MNAT1: variants seen among roughly 807,000 people sequenced by gnomAD.
MNAT1 encodes MNAT1 component of CDK activating kinase, also known as CDK-activating kinase assembly factor MAT1.
In MNAT1, 43 loss-of-function variants were observed where a neutral mutation model predicts 42.0. That is an observed-to-expected ratio of 1.02 (90% CI 0.80 to 1.32). The LOEUF (loss-of-function observed/expected upper bound fraction) is 1.32. MNAT1 is among the 40% of genes most tolerant of loss of function. The pLI, the probability that MNAT1 is intolerant of heterozygous loss-of-function variation, is 0.00. For missense variants in MNAT1, 306 were observed against 350.4 expected (o/e 0.87, Z 1.01); for synonymous variants, 118 against 120.0 (o/e 0.98, Z 0.11).
At chr14:60,842,528 C>T (rs1355065327) in intron 6 of MNAT1, among the ~76,000 whole-genome samples, 1 of 152,142 alleles carries the variant, frequency 6.6e-6, no homozygotes, top group African/African-American at 2.4e-5. Context: ...TTTCTGGAAA[C>T]CATTGATTCT....
chr14:60,863,542 A>G (rs2034143481), intron 6 of MNAT1, among the ~76,000 whole-genome samples: 1 of 152,146 alleles, frequency 6.6e-6, no homozygotes, highest in South Asian at 2.1e-4. Flanking sequence ...ACTCTCTCAT[A>G]TGAACTGCTT....
At chr14:60,815,540 C>G (rs1243657729) in intron 5 of MNAT1, among the ~76,000 whole-genome samples, 1 of 152,158 alleles carries the variant, frequency 6.6e-6, no homozygotes, top group Non-Finnish European at 1.5e-5. Flanking sequence ...CTTTAAAGTA[C>G]TGTTTTGCTG....
intron 1 of MNAT1, chr14:60,779,843 TAC>T (rs1185720371): frequency 1.6e-6 from 1 of 615,486 alleles, no homozygotes; most frequent in African/African-American, 1.9e-5. Flanking sequence ...AGAGTGAACT[TAC>T]TCTAAGAAGC....
intron 1 of MNAT1, among the ~76,000 whole-genome samples, chr14:60,772,242 C>T (rs181597714): frequency 1.0e-3 from 156 of 152,180 alleles, no homozygotes; most frequent in African/African-American, 3.2e-3. Flanking sequence ...GACTGGGCAA[C>T]GGAGTGAGAC....
At chr14:60,940,465 T>C (rs1011178054) in intron 7 of MNAT1, among the ~76,000 whole-genome samples, 2 of 152,252 alleles carry the variant, frequency 1.3e-5, no homozygotes, top group African/African-American at 4.8e-5. Flanking sequence ...TTGCCCAGGC[T>C]AGAGTGCAGT....
At chr14:60,812,990 T>C (rs1385705893) in intron 5 of MNAT1, among the ~76,000 whole-genome samples, 1 of 152,152 alleles carries the variant, frequency 6.6e-6, no homozygotes, top group Non-Finnish European at 1.5e-5. Context: ...CCCTTCCTGG[T>C]GGAGAGCAGC....
In MNAT1 at chr14:60,812,002, G is replaced by C. The variant is rs751361028; in HGVS notation, c.436G>C (p.Glu146Gln). The C allele has an allele frequency of 1.3e-6, 2 of 1,587,560 alleles. No homozygotes were observed. Among genetic ancestry groups the C allele is most frequent in the East Asian group, 2.2e-5 (1 of 44,608 alleles). The change falls in exon 5 of 8, where the codon GAA becomes CAA. Residue 146 changes from glutamate (E) to glutamine (Q), a missense_variant. By Grantham distance (29) the Glu-to-Gln change is conservative. Transcript: ENST00000261245. ...TTTGTTTTAGACTCGAGAACAGGAA[G>C]AACTGGAAGAAGCTTTAGAAGTGGA... ...NKLKLTREQE[E>Q]LEEALEVERQ...
At chr14:60,785,136 C>T (rs574342991) in intron 1 of MNAT1, among the ~76,000 whole-genome samples, 2 of 152,318 alleles carry the variant, frequency 1.3e-5, no homozygotes, top group Admixed American at 6.5e-5. Flanking sequence ...TGAGCCACCA[C>T]GCCCAGCCAG....
At position 60,783,039 on chromosome 14, in the gene MNAT1, A is replaced by T. The variant is rs146376062; in HGVS notation, c.90-13178A>T. Among the ~76,000 whole-genome samples the T allele has an allele frequency of 3.6e-3, 543 of 152,342 alleles. 2 individuals are homozygous for T. Among genetic ancestry groups the T allele is most frequent in the African/African-American group, 0.012 (517 of 41,574 alleles). On this transcript the variant is annotated intron_variant, in intron 1 of 7. Coordinates refer to ENST00000261245, the MANE Select transcript of MNAT1 (RefSeq NM_002431.4). ...TTAGACGGATTTACTACTTATAACA[A>T]ATCCCTAGTAGATGTTCGTAGGTGA...
chr14:60,770,391 A>G (rs1258278909), intron 1 of MNAT1, among the ~76,000 whole-genome samples: 2 of 152,198 alleles, frequency 1.3e-5, no homozygotes, highest in Non-Finnish European at 2.9e-5. Flanking sequence ...GAACATGGGT[A>G]TGCAAATATC....
At chr14:60,751,237 A>C (rs1429554671) in intron 1 of MNAT1, among the ~76,000 whole-genome samples, 2 of 152,140 alleles carry the variant, frequency 1.3e-5, no homozygotes, top group African/African-American at 4.8e-5. Context: ...ATTTTCAATT[A>C]CATTTTGATT....
intron 6 of MNAT1, among the ~76,000 whole-genome samples, chr14:60,837,531 C>G (rs754618344): frequency 6.6e-6 from 1 of 152,222 alleles, no homozygotes; most frequent in Admixed American, 6.5e-5. Context: ...TGCTTTGGCT[C>G]ACCCTCCATG....
intron 6 of MNAT1, among the ~76,000 whole-genome samples, chr14:60,866,316 T>C (rs890386919): frequency 1.3e-5 from 2 of 151,074 alleles, no homozygotes; most frequent in African/African-American, 4.9e-5. Context: ...CCTTTTTTTT[T>C]TTTTTTTTTT....
chr14:60,909,399 A>G (rs1203178441), intron 7 of MNAT1, among the ~76,000 whole-genome samples: 1 of 152,166 alleles, frequency 6.6e-6, no homozygotes, highest in Non-Finnish European at 1.5e-5. Flanking sequence ...GTCCTTGCCC[A>G]TGCCTATGTC....
chr14:60,966,133 C>CTT (rs577360114), intron 7 of MNAT1, among the ~76,000 whole-genome samples: 6 of 145,286 alleles, frequency 4.1e-5, no homozygotes, highest in Non-Finnish European at 9.1e-5. Flanking sequence ...GACTATTTTT[C>CTT]TTTTTTTTTT....
intron 7 of MNAT1, among the ~76,000 whole-genome samples, chr14:60,959,631 A>C (rs2036551822): frequency 6.6e-6 from 1 of 152,092 alleles, no homozygotes; most frequent in Admixed American, 6.5e-5. Context: ...GTGGTTATGG[A>C]ATTTTTGTGT....
chr14:60,783,340 C>G (rs576637903), intron 1 of MNAT1, among the ~76,000 whole-genome samples: 2 of 152,276 alleles, frequency 1.3e-5, no homozygotes, highest in African/African-American at 4.8e-5. Flanking sequence ...TTTTGTCTTG[C>G]TATCTGTAAA....
At chr14:60,865,017 G>A (rs1243008315) in intron 6 of MNAT1, among the ~76,000 whole-genome samples, 2 of 151,932 alleles carry the variant, frequency 1.3e-5, no homozygotes, top group Non-Finnish European at 2.9e-5. Flanking sequence ...TTTGGAGATA[G>A]GGTAGATGAT....
chr14:60,920,732 C>T (rs1253293938), intron 7 of MNAT1, among the ~76,000 whole-genome samples: 10 of 152,266 alleles, frequency 6.6e-5, no homozygotes, highest in East Asian at 1.9e-4. Flanking sequence ...CATTGAGCCA[C>T]GACGCCTCGC....
Sources: gnomAD v4.1 joint callset for allele counts (sites outside exome capture counted in the v4.1 genomes callset) on GRCh38, gnomAD v4.1.1 for gene constraint, MANE v1.5 for transcripts, NCBI Gene and HGNC (gene_info 2026-07-23, HGNC 2026-07-21) for gene names.